ADAMTSL3: variants seen among roughly 807,000 people sequenced by gnomAD.
The protein encoded by ADAMTSL3 is ADAMTS-like protein 3.
ADAMTSL3 carries 128 observed loss-of-function variants against 201.7 expected under a neutral mutation model. That is an observed-to-expected ratio of 0.63 (90% CI 0.55 to 0.73). The LOEUF (loss-of-function observed/expected upper bound fraction) is 0.73. ADAMTSL3 is among the 30% of genes least tolerant of loss of function. The pLI, the probability that ADAMTSL3 is intolerant of heterozygous loss-of-function variation, is 0.00. For missense variants in ADAMTSL3, 1,990 were observed against 2,119.6 expected, an observed-to-expected ratio of 0.94 and a Z score of 1.20; for synonymous variants, 738 against 748.4, an observed-to-expected ratio of 0.99 and a Z score of 0.23.
intron 2 of ADAMTSL3, among the ~76,000 whole-genome samples, chr15:83,695,216 T>TGGGGGTATGTTTGTG (rs1401014899): frequency 9.4e-6 from 1 of 106,856 alleles, no homozygotes; most frequent in Non-Finnish European, 2.1e-5. Flanking sequence ...GTGGTGTGTG[T>TGGGGGTATGTTTGTG]GTGTGTGTGT....
At chr15:83,924,691 T>A (rs141559132) in intron 17 of ADAMTSL3, among the ~76,000 whole-genome samples, 2 of 152,326 alleles carry the variant, frequency 1.3e-5, no homozygotes, top group East Asian at 3.9e-4. Context: ...TGTTCCTGTG[T>A]CCCTGGTGCT....
At chr15:83,733,713 G>C (rs2062321551) in intron 3 of ADAMTSL3, among the ~76,000 whole-genome samples, 1 of 151,326 alleles carries the variant, frequency 6.6e-6, no homozygotes, top group African/African-American at 2.4e-5. Flanking sequence ...TAAATTTACA[G>C]GGAAATGACT....
chr15:83,914,969 G>A (rs2066007433), intron 16 of ADAMTSL3, among the ~76,000 whole-genome samples: 1 of 151,966 alleles, frequency 6.6e-6, no homozygotes. Flanking sequence ...TGATGAGTTT[G>A]GGGAAACCCT....
At chr15:83,779,253 A>G (rs1442124165) in intron 4 of ADAMTSL3, among the ~76,000 whole-genome samples, 1 of 152,212 alleles carries the variant, frequency 6.6e-6, no homozygotes, top group Admixed American at 6.5e-5. Flanking sequence ...TCAGCACTGG[A>G]TCAAATGAAC....
intron 28 of ADAMTSL3, among the ~76,000 whole-genome samples, chr15:84,034,853 G>A (rs2068475960): frequency 1.3e-5 from 2 of 152,144 alleles, no homozygotes; most frequent in Non-Finnish European, 2.9e-5. Context: ...AAAGCTAGTA[G>A]AAACAGGGTT....
At chr15:83,677,667 A>G (rs943485047) in intron 2 of ADAMTSL3, among the ~76,000 whole-genome samples, 1 of 151,988 alleles carries the variant, frequency 6.6e-6, no homozygotes, top group Non-Finnish European at 1.5e-5. Flanking sequence ...ATTTGAGGTG[A>G]GTTTCTTATA....
chr15:83,783,531 G>A (rs1475495654), intron 4 of ADAMTSL3, among the ~76,000 whole-genome samples: 1 of 151,800 alleles, frequency 6.6e-6, no homozygotes, highest in African/African-American at 2.4e-5. Context: ...GATACCGAAA[G>A]ACTGAAAATA....
intron 2 of ADAMTSL3, among the ~76,000 whole-genome samples, chr15:83,670,000 G>T (rs1189478037): frequency 2.0e-5 from 3 of 151,176 alleles, no homozygotes; most frequent in African/African-American, 7.3e-5. Context: ...GCTCACGCTT[G>T]TAATCCCAGC....
At chr15:83,782,421 G>A (rs1389506708) in intron 4 of ADAMTSL3, among the ~76,000 whole-genome samples, 1 of 152,204 alleles carries the variant, frequency 6.6e-6, no homozygotes, top group African/African-American at 2.4e-5. Flanking sequence ...ATGTTGCAGT[G>A]AGTAGAGATC....
chr15:83,875,731 C>T (rs563873851), intron 9 of ADAMTSL3, among the ~76,000 whole-genome samples: 14 of 152,092 alleles, frequency 9.2e-5, no homozygotes, highest in Admixed American at 1.3e-4. Context: ...TGCAGTGAGC[C>T]GAGATTGCAC....
intron 3 of ADAMTSL3, among the ~76,000 whole-genome samples, chr15:83,735,297 A>C (rs544139377): frequency 7.9e-5 from 12 of 152,300 alleles, no homozygotes; most frequent in African/African-American, 2.6e-4. Flanking sequence ...CTAGCAGCCA[A>C]CTGGGAGAGA....
chr15:84,031,394 A>G lies in ADAMTSL3; in HGVS notation c.4716A>G (p.Gln1572=), dbSNP rs531361881. The change falls in exon 28 of 30, where the codon CAA becomes CAG. Residue 1572 remains glutamine, a synonymous_variant. Coordinates refer to ENST00000286744, the MANE Select transcript of ADAMTSL3 (RefSeq NM_207517.3). ...VRMQQRHTAC[Q]HNSSDSNCDD... ...TGCAGCAGCGTCACACAGCTTGTCA[A>G]CACAACAGCTCTGACTCCAACTGTG... 2 of 1,614,106 alleles carry G rather than the reference A, an allele frequency of 1.2e-6. No individual in the cohort carries two copies. Among genetic ancestry groups the G allele is most frequent in the Non-Finnish European group, 1.7e-6 (2 of 1,180,018 alleles).
rs1183620591 is a variant in ADAMTSL3 at position 83,654,898 on chromosome 15, C to G, written c.-34+622C>G. Among the ~76,000 whole-genome samples, 1 of 152,192 alleles carries G rather than the reference C, an allele frequency of 6.6e-6. No individual in the cohort carries two copies. The highest frequency in any genetic ancestry group is 1.5e-5 in the Non-Finnish European group (1 of 68,044). On this transcript the variant is annotated intron_variant, in intron 1 of 29. Coordinates refer to ENST00000286744, the MANE Select transcript of ADAMTSL3 (RefSeq NM_207517.3). This position sits in a 1 kb window ranked among gnomAD's most constrained non-coding sequence, Gnocchi z 5.3. ...AGCACATTTGCGGATCACATTAGAC[C>G]AGGCCCTTAATGCCTTCTCCAGATG...
intron 3 of ADAMTSL3, among the ~76,000 whole-genome samples, chr15:83,737,388 G>A (rs1002660933): frequency 2.0e-5 from 3 of 152,170 alleles, no homozygotes; most frequent in Admixed American, 6.5e-5. Flanking sequence ...GAGGTGATTG[G>A]ATCGGGGGCA....
At chr15:83,674,466 A>G (rs1311093442) in intron 2 of ADAMTSL3, among the ~76,000 whole-genome samples, 3 of 151,708 alleles carry the variant, frequency 2.0e-5, no homozygotes, top group Non-Finnish European at 4.4e-5. Context: ...ATTTTGTTCC[A>G]TTGATCTATG....
chr15:83,785,289 G>GA (rs1159914389), intron 4 of ADAMTSL3, among the ~76,000 whole-genome samples: 1 of 152,076 alleles, frequency 6.6e-6, no homozygotes, highest in Non-Finnish European at 1.5e-5. Flanking sequence ...TTAATTTCAG[G>GA]AAAAAGTTGT....
chr15:83,872,075 A>G (rs1219847870), intron 9 of ADAMTSL3, among the ~76,000 whole-genome samples: 2 of 152,178 alleles, frequency 1.3e-5, no homozygotes, highest in Non-Finnish European at 2.9e-5. Flanking sequence ...GGACTGGCCA[A>G]GCGTTGGCCT....
At chr15:83,900,339 T>A (rs1481346827) in intron 15 of ADAMTSL3, among the ~76,000 whole-genome samples, 1 of 152,210 alleles carries the variant, frequency 6.6e-6, no homozygotes, top group Non-Finnish European at 1.5e-5. Flanking sequence ...ATTTGATGGA[T>A]CTGGATTGTA....
rs75375656 is a variant in ADAMTSL3, at chr15:84,032,196, G to A, written c.4754+764G>A. On this transcript the variant is annotated intron_variant, in intron 28 of 29. Transcript: ENST00000286744. Reference sequence around the variant, plus strand: ...ATCCATGTGAACTTATGTTTAGAAAGTTTTAATGATTTAGCTTAGTGTGAA... The same window carrying A: ...ATCCATGTGAACTTATGTTTAGAAAATTTTAATGATTTAGCTTAGTGTGAA... Among the ~76,000 whole-genome samples the A allele has an allele frequency of 9.6e-3, 1,461 of 152,328 alleles. 123 individuals carry two copies. The East Asian group carries it at 0.19, about 20-fold the overall frequency.
Sources: gnomAD v4.1 joint callset for allele counts (sites outside exome capture counted in the v4.1 genomes callset) on GRCh38, gnomAD v4.1.1 for gene constraint, Gnocchi (gnomAD v3.1) non-coding constraint, MANE v1.5 for transcripts, NCBI Gene and HGNC (gene_info 2026-07-23, HGNC 2026-07-21) for gene names.